Variants in HERC2 observed in about 807,000 individuals in gnomAD.
The protein encoded by HERC2 is E3 ubiquitin-protein ligase HERC2.
Under a neutral mutation model 537.7 loss-of-function variants are expected in HERC2, and 102 were observed. The ratio of observed to expected loss-of-function variants is 0.19; its 90% CI spans 0.16 to 0.22. The LOEUF (loss-of-function observed/expected upper bound fraction) is 0.22, where lower values mean the gene tolerates loss of function less well. Ranked by LOEUF, HERC2 falls within the 10% of genes least tolerant of loss-of-function variation. The pLI, the probability that HERC2 is intolerant of heterozygous loss-of-function variation, is 1.00. For synonymous variants in HERC2, 2,224 were observed against 2,466.2 expected, an observed-to-expected ratio of 0.90 and a Z score of 2.91; for missense variants, 4,236 against 6,198.2, an observed-to-expected ratio of 0.68 and a Z score of 10.63.
At chr15:28,318,330 GA>G (rs1465581229) in intron 2 of HERC2, among the ~76,000 whole-genome samples, 1 of 152,052 alleles carries the variant, frequency 6.6e-6, no homozygotes, top group Non-Finnish European at 1.5e-5. Flanking sequence ...ACACCAAGCA[GA>G]AAAGTGTTGA....
At chr15:28,235,745 C>G (rs761011117) in intron 26 of HERC2, among the ~76,000 whole-genome samples, 47 of 152,130 alleles carry the variant, frequency 3.1e-4, no homozygotes, top group South Asian at 4.1e-4. Flanking sequence ...GCTTAGAATG[C>G]TGGCTCATCA....
chr15:28,224,702 A>C (rs528560595), intron 35 of HERC2, among the ~76,000 whole-genome samples: 3 of 152,342 alleles, frequency 2.0e-5, no homozygotes, highest in South Asian at 4.1e-4. Flanking sequence ...AGCAGAATAC[A>C]CATTCTTCTC....
chr15:28,260,263 G>A (rs2075383674), intron 16 of HERC2, among the ~76,000 whole-genome samples: 1 of 152,102 alleles, frequency 6.6e-6, no homozygotes, highest in South Asian at 2.1e-4. Context: ...AAGGAAAACT[G>A]CATGACCATT....
At chr15:28,259,516 A>G (rs2075359842) in intron 16 of HERC2, among the ~76,000 whole-genome samples, 1 of 152,240 alleles carries the variant, frequency 6.6e-6, no homozygotes, top group Non-Finnish European at 1.5e-5. Flanking sequence ...ACATGCCAAT[A>G]TTTTGTATAA....
chr15:28,167,502 C>G (rs1470727247), intron 68 of HERC2, among the ~76,000 whole-genome samples, 185 bp downstream of exon 68: 3 of 152,178 alleles, frequency 2.0e-5, no homozygotes, highest in Admixed American at 6.5e-5. Flanking sequence ...CACGTGGAAG[C>G]AGTAAGCAGT....
At chr15:28,269,574 A>C (rs1210930425) in intron 10 of HERC2, 138 bp from the exon 11 acceptor site, 2 of 668,556 alleles carry the variant, frequency 3.0e-6, no homozygotes, top group East Asian at 2.7e-5. Context: ...AAAATAGCTC[A>C]TACCAGCCTG....
At chr15:28,195,624 G>T (rs1475598567) in intron 52 of HERC2, among the ~76,000 whole-genome samples, 1 of 151,870 alleles carries the variant, frequency 6.6e-6, no homozygotes, top group African/African-American at 2.4e-5. Context: ...GTCTGGAGTG[G>T]TCATATTCAT....
Position 28,258,811 on chromosome 15 carries a change from G to C in HERC2, c.2317-1550C>G, listed in dbSNP as rs187063888. Among the ~76,000 whole-genome samples, 99 of 152,084 alleles carry C rather than the reference G, an allele frequency of 6.5e-4. 1 individual carries two copies. Among genetic ancestry groups the C allele is most frequent in the African/African-American group, 2.3e-3 (96 of 41,470 alleles). ...AAACGAAAAGATTGTTCTTTGAAAA[G>C]ATCAACAAAATTGAAAAACTCTAGG... On this transcript the variant is annotated intron_variant, in intron 16 of 92. Coordinates refer to ENST00000261609, the MANE Select transcript of HERC2 (RefSeq NM_004667.6).
At chr15:28,193,531 G>C (rs1193299928) in intron 52 of HERC2, among the ~76,000 whole-genome samples, 2 of 152,164 alleles carry the variant, frequency 1.3e-5, no homozygotes, top group Non-Finnish European at 2.9e-5. Flanking sequence ...AGATAGAAAA[G>C]AGAATAGAGC....
Position 28,270,278 on chromosome 15 carries a change from C to G in HERC2, c.1257+417G>C, listed in dbSNP as rs1024481606. 5.3e-5 allele frequency among the ~76,000 whole-genome samples: 8 copies of G among 151,182 alleles called. 1 individual carries two copies. The highest frequency in any genetic ancestry group is 5.3e-4 in the Admixed American group (8 of 15,166). On this transcript the variant is annotated intron_variant, in intron 10 of 92. Coordinates refer to ENST00000261609, the MANE Select transcript of HERC2 (RefSeq NM_004667.6). ...ATAGATAGATAGATAGACAGACAGA[C>G]AGACATGTAATATAGATATATAATA...
intron 72 of HERC2, 24 bp from the exon 73 acceptor site, chr15:28,144,259 C>T (rs764522325): frequency 1.2e-6 from 2 of 1,608,344 alleles, no homozygotes; most frequent in Admixed American, 3.3e-5. Context: ...CTGTAAACAT[C>T]CCCGGGTTTC....
At chr15:28,161,115 T>C (rs1181740716) in intron 69 of HERC2, among the ~76,000 whole-genome samples, 1 of 152,222 alleles carries the variant, frequency 6.6e-6, no homozygotes, top group Non-Finnish European at 1.5e-5. Flanking sequence ...TACCAAACTC[T>C]GCTGCGCTTT....
Position 28,153,483 on chromosome 15 carries a change from G to A in HERC2, c.10747-653C>T, listed in dbSNP as rs544318010. Among the ~76,000 whole-genome samples the A allele has an allele frequency of 7.9e-5, 12 of 151,608 alleles. No individual in the cohort carries two copies. In the East Asian group the frequency reaches 2.0e-3, roughly 25 times the overall value. On this transcript the variant is annotated intron_variant, in intron 69 of 92. Coordinates refer to ENST00000261609, the MANE Select transcript of HERC2 (RefSeq NM_004667.6). Reference sequence around the variant, plus strand: ...AGCCTGGCCAGTACGGTGAAACCCCGTCTCTACTAAAAATACAATTAGCTG... The same window carrying A: ...AGCCTGGCCAGTACGGTGAAACCCCATCTCTACTAAAAATACAATTAGCTG...
chr15:28,112,039 T>C lies in HERC2; in HGVS notation c.14233-4A>G, dbSNP rs370532874. On this transcript the variant is annotated splice_polypyrimidine_tract_variant and splice_region_variant and intron_variant, in intron 92 of 92. Transcript: ENST00000261609. ...GAGGGTTGTATTTATCCAACACCTG[T>C]TGAGCAGAAACATGAAGTGATTAGA... 26 of 1,612,896 alleles carry C rather than the reference T, an allele frequency of 1.6e-5. No homozygotes were observed. The African/African-American group carries it at 3.3e-4, about 21-fold the overall frequency.
At chr15:28,261,916 T>C (rs895643508) in intron 15 of HERC2, among the ~76,000 whole-genome samples, 1 of 152,198 alleles carries the variant, frequency 6.6e-6, no homozygotes, top group Admixed American at 6.5e-5. Flanking sequence ...ACACAAAGAA[T>C]GTATGTAGTA....
intron 52 of HERC2, among the ~76,000 whole-genome samples, chr15:28,192,775 T>A (rs1896970390): frequency 6.6e-6 from 1 of 151,990 alleles, no homozygotes; most frequent in Non-Finnish European, 1.5e-5. Context: ...AGACGACACA[T>A]AGCATTTTGA....
At chr15:28,220,682 G>A (rs575930574) in intron 36 of HERC2, 38 bp from the exon 37 acceptor site, 40 of 1,550,592 alleles carry the variant, frequency 2.6e-5, no homozygotes, top group African/African-American at 2.4e-4. Flanking sequence ...AGGAGGGTGC[G>A]TAACCTGCCC....
intron 70 of HERC2, among the ~76,000 whole-genome samples, chr15:28,149,803 AAC>A (rs1487409224): frequency 6.6e-6 from 1 of 152,170 alleles, no homozygotes; most frequent in African/African-American, 2.4e-5. Flanking sequence ...TCACCGAAAA[AAC>A]ACACGTGACT....
In HERC2 at chr15:28,219,713, A is replaced by C. The variant is rs577772753; in HGVS notation, c.5845+739T>G. On this transcript the variant is annotated intron_variant, in intron 37 of 92. Coordinates refer to ENST00000261609, the MANE Select transcript of HERC2 (RefSeq NM_004667.6). ...GTACACCTTCTAAGATCTCGTGCTC[A>C]CTGAAATAGCCATTTCTGAGCCTGA... Among the ~76,000 whole-genome samples the C allele has an allele frequency of 2.0e-3, 304 of 152,306 alleles. 1 individual carries two copies. The highest frequency in any genetic ancestry group is 3.7e-3 in the Non-Finnish European group (249 of 68,028).
Sources: gnomAD v4.1 joint callset for allele counts (sites outside exome capture counted in the v4.1 genomes callset) on GRCh38, gnomAD v4.1.1 for gene constraint, MANE v1.5 for transcripts, NCBI Gene and HGNC (gene_info 2026-07-23, HGNC 2026-07-21) for gene names.